MCTP1: variants seen among roughly 807,000 people sequenced by gnomAD.
MCTP1 encodes multiple C2 and transmembrane domain containing 1, also known as multiple C2 and transmembrane domain-containing protein 1.
In MCTP1, 69 loss-of-function variants were observed where a neutral mutation model predicts 120.6. That is an observed-to-expected ratio of 0.57 (90% CI 0.47 to 0.70). The LOEUF (loss-of-function observed/expected upper bound fraction) is 0.70. Ranked by LOEUF, MCTP1 falls within the 30% of genes least tolerant of loss-of-function variation. The pLI, the probability that MCTP1 is intolerant of heterozygous loss-of-function variation, is 0.00. For synonymous variants in MCTP1, 529 were observed against 493.1 expected (o/e 1.07, Z -0.96); for missense variants, 1,203 against 1,248.8 (o/e 0.96, Z 0.55).
chr5:95,093,602 G>C (rs1369684346), intron 1 of MCTP1, among the ~76,000 whole-genome samples: 3 of 152,040 alleles, frequency 2.0e-5, no homozygotes, highest in Non-Finnish European at 4.4e-5. Context: ...TTGGGGGAGA[G>C]GATAAATATA....
At chr5:95,221,881 C>T (rs1180486831) in intron 1 of MCTP1, among the ~76,000 whole-genome samples, 1 of 152,150 alleles carries the variant, frequency 6.6e-6, no homozygotes, top group Non-Finnish European at 1.5e-5. Context: ...TCTTTCAATG[C>T]TGTTGTGGAC....
intron 1 of MCTP1, among the ~76,000 whole-genome samples, chr5:95,111,674 C>T (rs1032457408): frequency 1.3e-5 from 2 of 152,110 alleles, no homozygotes; most frequent in African/African-American, 4.8e-5. Flanking sequence ...GCAAAAAATA[C>T]AATTATTATC....
chr5:94,954,093 C>CAT (rs1287165156), intron 2 of MCTP1, among the ~76,000 whole-genome samples: 1 of 87,508 alleles, frequency 1.1e-5, no homozygotes, highest in Non-Finnish European at 2.2e-5. Context: ...TATATATGTG[C>CAT]ATATATATAC....
At chr5:95,172,106 T>A (rs1182036822) in intron 1 of MCTP1, among the ~76,000 whole-genome samples, 2 of 152,190 alleles carry the variant, frequency 1.3e-5, no homozygotes, top group East Asian at 1.9e-4. Context: ...GTCCTTTCTG[T>A]TTGTTAGTTT....
At chr5:95,172,730 T>A (rs1229485176) in intron 1 of MCTP1, among the ~76,000 whole-genome samples, 1 of 152,164 alleles carries the variant, frequency 6.6e-6, no homozygotes. Flanking sequence ...AAATTAAGGA[T>A]CTGAGTGAGA....
intron 17 of MCTP1, chr5:94,867,166 A>T: frequency 7.7e-7 from 1 of 1,297,868 alleles, no homozygotes. Context: ...CCATATATTT[A>T]TTATAAGAAA....
At chr5:94,960,872 C>T (rs1383401031) in intron 2 of MCTP1, among the ~76,000 whole-genome samples, 1 of 152,122 alleles carries the variant, frequency 6.6e-6, no homozygotes, top group Non-Finnish European at 1.5e-5. Flanking sequence ...GGCAATTCCT[C>T]AAGAATCTAG....
At chr5:94,771,811 T>C (rs765794763) in intron 19 of MCTP1, among the ~76,000 whole-genome samples, 3 of 152,220 alleles carry the variant, frequency 2.0e-5, no homozygotes, top group Non-Finnish European at 4.4e-5. Flanking sequence ...ATTATAAACC[T>C]AGGTGCTTGG....
At chr5:95,223,130 A>T (rs1056038176) in intron 1 of MCTP1, among the ~76,000 whole-genome samples, 2 of 152,094 alleles carry the variant, frequency 1.3e-5, no homozygotes, top group African/African-American at 4.8e-5. Context: ...TCATCCAAAA[A>T]CCCAAAACAC....
chr5:95,127,257 T>G (rs1758704224), intron 1 of MCTP1, among the ~76,000 whole-genome samples: 1 of 150,296 alleles, frequency 6.7e-6, no homozygotes, highest in African/African-American at 2.4e-5. Flanking sequence ...AAAAAAAAAG[T>G]TTTTACTCAT....
At chr5:94,838,792 T>C (rs145445549) in intron 17 of MCTP1, among the ~76,000 whole-genome samples, 281 of 152,228 alleles carry the variant, frequency 1.8e-3, no homozygotes, top group South Asian at 5.8e-3. Context: ...CTTTAGAGTA[T>C]ATATTTTGAG....
intron 20 of MCTP1, among the ~76,000 whole-genome samples, chr5:94,711,296 T>C (rs1342397777): frequency 6.6e-6 from 1 of 152,154 alleles, no homozygotes; most frequent in Non-Finnish European, 1.5e-5. Context: ...GGAATGCCCC[T>C]GGACCCACCA....
At chr5:94,807,826 T>G (rs1782673710) in intron 17 of MCTP1, among the ~76,000 whole-genome samples, 1 of 152,236 alleles carries the variant, frequency 6.6e-6, no homozygotes, top group Admixed American at 6.5e-5. Context: ...CACTCCTCTT[T>G]GAGAAAAGTT....
chr5:95,243,711 T>C (rs559842661), intron 1 of MCTP1, among the ~76,000 whole-genome samples: 51 of 152,302 alleles, frequency 3.3e-4, no homozygotes, highest in African/African-American at 1.2e-3. Flanking sequence ...CCAAGGTTGC[T>C]TCTGAATAAA....
chr5:94,960,005 C>T (rs1823723194), intron 2 of MCTP1, among the ~76,000 whole-genome samples: 1 of 152,102 alleles, frequency 6.6e-6, no homozygotes, highest in African/African-American at 2.4e-5. Context: ...CATCATGCTA[C>T]CTGACTTCAA....
intron 1 of MCTP1, among the ~76,000 whole-genome samples, chr5:95,184,600 A>G (rs542222467): frequency 2.6e-5 from 4 of 152,204 alleles, no homozygotes; most frequent in African/African-American, 7.2e-5. Context: ...TCCTGAAAAG[A>G]CCCCCTTCTT....
chr5:95,257,622 T>C (rs1758023933), intron 1 of MCTP1, among the ~76,000 whole-genome samples: 1 of 152,154 alleles, frequency 6.6e-6, no homozygotes, highest in African/African-American at 2.4e-5. Context: ...TGCTTCCCAA[T>C]AGCAATGAGC....
intron 1 of MCTP1, among the ~76,000 whole-genome samples, chr5:95,028,655 T>A (rs1055280303): frequency 1.3e-5 from 2 of 152,210 alleles, no homozygotes; most frequent in African/African-American, 4.8e-5. Context: ...AATAAAATTC[T>A]CTTTTCTTAA....
intron 17 of MCTP1, among the ~76,000 whole-genome samples, chr5:94,825,736 CAT>C (rs372164216): frequency 3.3e-5 from 5 of 151,014 alleles, no homozygotes; most frequent in Non-Finnish European, 3.0e-5. Context: ...GTATTGGGTG[CAT>C]ATATATATAT....
Sources: allele counts gnomAD v4.1 joint callset (sites outside exome capture counted in the v4.1 genomes callset), GRCh38; gene constraint gnomAD v4.1.1; transcripts MANE v1.5; gene names NCBI Gene and HGNC (gene_info 2026-07-23, HGNC 2026-07-21).